TNRC6A: variants seen among roughly 807,000 people sequenced by gnomAD.
TNRC6A encodes the protein trinucleotide repeat containing adaptor 6A.
TNRC6A carries 44 observed loss-of-function variants against 221.2 expected under a neutral mutation model. That is an observed-to-expected ratio of 0.20 (90% CI 0.16 to 0.26). The LOEUF is 0.26. Among genes scored for constraint, TNRC6A ranks in the 10% least tolerant of loss-of-function variants. TNRC6A has a pLI of 1.00. For missense variants in TNRC6A, 2,199 were observed against 2,404.4 expected (o/e 0.91, Z 1.79); for synonymous variants, 847 against 838.5 (o/e 1.01, Z -0.18).
At position 24,806,728 on chromosome 16, in the gene TNRC6A, C is replaced by T. The variant is rs373761954; in HGVS notation, c.4484C>T (p.Thr1495Ile). The T allele has an allele frequency of 9.9e-5, 160 of 1,614,086 alleles. No homozygotes were observed. Among genetic ancestry groups the T allele is most frequent in the Non-Finnish European group, 1.3e-4 (158 of 1,180,052 alleles). ...SFLDNVMPHT[T>I]PELQKGPSPI... ...CTTGACAATGTCATGCCCCACACTA[C>T]ACCTGAGCTGCAAAAAGGGCCATCA... is the stretch of plus-strand genomic sequence containing the variant. Residue 1495 changes from threonine to isoleucine, a missense_variant, in exon 17 of 25, where the codon ACA (threonine) becomes ATA (isoleucine). Coordinates refer to ENST00000395799, the MANE Select transcript of TNRC6A (RefSeq NM_014494.4).
Position 24,791,799 on chromosome 16 carries a change from G to A in TNRC6A, c.3157G>A (p.Glu1053Lys). 6.4e-7 allele frequency: 1 copy of A among 1,552,922 alleles called. No individual in the cohort carries two copies. The highest frequency in any genetic ancestry group is 8.7e-7 in the Non-Finnish European group (1 of 1,154,136). ...LTPASAISNK[E>K]ASSGSGWGEP... ...GCCTGCAAGTGCCATCTCAAACAAA[G>A]AGGCAAGCAGTGGCTCTGGTAAGTT... Residue 1053 changes from glutamate (E) to lysine (K), a missense_variant, in exon 6 of 25, where the codon GAG (glutamate) becomes AAG (lysine). Glu to Lys is a moderately conservative substitution (Grantham distance 56, BLOSUM62 1). Around this residue, in one of 8 missense-constraint regions of TNRC6A, gnomAD observed 1,405 missense variants for 1,400.2 expected, o/e 1.00. Coordinates refer to ENST00000395799, the MANE Select transcript of TNRC6A (RefSeq NM_014494.4).
At chr16:24,691,497 G>A (rs1219858494) in intron 2 of TNRC6A, among the ~76,000 whole-genome samples, 1 of 152,108 alleles carries the variant, frequency 6.6e-6, no homozygotes, top group Non-Finnish European at 1.5e-5. Flanking sequence ...GGCCAGACGC[G>A]GTGGCTCACA....
chr16:24,668,885 C>G (rs2055230129), intron 2 of TNRC6A, among the ~76,000 whole-genome samples: 1 of 152,184 alleles, frequency 6.6e-6, no homozygotes, highest in Non-Finnish European at 1.5e-5. Context: ...GCCAACCTCC[C>G]TTTGAACAGA....
At chr16:24,784,035 C>T (rs765316335) in intron 5 of TNRC6A, among the ~76,000 whole-genome samples, 7 of 152,138 alleles carry the variant, frequency 4.6e-5, no homozygotes, top group Admixed American at 6.5e-5. Context: ...TTCGCTCTTA[C>T]ATAATGCCCA....
chr16:24,627,998 T>C (rs1267253666), intron 1 of TNRC6A, among the ~76,000 whole-genome samples: 1 of 151,538 alleles, frequency 6.6e-6, no homozygotes, highest in Non-Finnish European at 1.5e-5. Flanking sequence ...CACTTGGCCA[T>C]CTTTCTTGTT....
In TNRC6A at chr16:24,804,207, A is replaced by G; in HGVS notation, c.3725A>G (p.Asp1242Gly). The G allele has an allele frequency of 6.2e-7, 1 of 1,612,078 alleles. No homozygotes were observed. The highest frequency in any genetic ancestry group is 8.5e-7 in the Non-Finnish European group (1 of 1,179,612). Residue 1242 changes from aspartate to glycine, a missense_variant, in exon 12 of 25, where the codon GAT becomes GGT. Transcript: ENST00000395799. Reference sequence around the variant, plus strand: ...TTACAAGACAAACGAATGGAGATAGATAAACATAGCCTAAATATTGGTGAT... The same window carrying G: ...TTACAAGACAAACGAATGGAGATAGGTAAACATAGCCTAAATATTGGTGAT... The part of the protein sequence containing the change: ...GMLQDKRMEI[D>G]KHSLNIGDYN...
intron 5 of TNRC6A, among the ~76,000 whole-genome samples, chr16:24,788,555 C>T (rs1185992779): frequency 6.6e-6 from 1 of 152,172 alleles, no homozygotes; most frequent in Non-Finnish European, 1.5e-5. Context: ...ATTCACTTCT[C>T]CTTACCTGTC....
chr16:24,790,889 G>A lies in TNRC6A; in HGVS notation c.2247G>A (p.Gly749=). Residue 749 remains glycine, a synonymous_variant, in exon 6 of 25, where the codon GGG becomes GGA. Transcript: ENST00000395799. ...SPRGERKTDN[G]TEAWGSSATQ... is the part of the protein sequence containing the mutation. ...GAGGGGAACGAAAGACTGACAATGG[G>A]ACAGAGGCCTGGGGAAGCTCTGCAA... The A allele has an allele frequency of 6.2e-7, 1 of 1,614,126 alleles. No homozygotes were observed. Among genetic ancestry groups the A allele is most frequent in the Non-Finnish European group, 8.5e-7 (1 of 1,180,034 alleles).
At chr16:24,669,972 CAG>C in intron 2 of TNRC6A, among the ~76,000 whole-genome samples, 1 of 10,160 alleles carries the variant, frequency 9.8e-5, no homozygotes, top group East Asian at 2.0e-3. Flanking sequence ...TTTTTTTAGA[CAG>C]AGTCTCACTC....
chr16:24,639,267 G>T (rs962330277), intron 1 of TNRC6A, among the ~76,000 whole-genome samples: 1 of 152,130 alleles, frequency 6.6e-6, no homozygotes, highest in Non-Finnish European at 1.5e-5. Context: ...GGAGAATTAT[G>T]TGAAGCCAGG....
At chr16:24,793,162 C>G (rs2151895702) in intron 6 of TNRC6A, among the ~76,000 whole-genome samples, 1 of 152,254 alleles carries the variant, frequency 6.6e-6, no homozygotes, top group East Asian at 1.9e-4. Context: ...TTTAGAATGA[C>G]TTGACTTTTT....
At chr16:24,618,957 C>G (rs1306759125) in intron 1 of TNRC6A, among the ~76,000 whole-genome samples, 1 of 152,046 alleles carries the variant, frequency 6.6e-6, no homozygotes, top group Non-Finnish European at 1.5e-5. Flanking sequence ...CTGAATAGTA[C>G]AGTAGTTCAT....
intron 4 of TNRC6A, among the ~76,000 whole-genome samples, chr16:24,770,913 A>G (rs190739746): frequency 2.9e-3 from 441 of 152,326 alleles, no homozygotes; most frequent in African/African-American, 0.01. Flanking sequence ...ATGAGGTCAA[A>G]TCAATTTTCA....
intron 1 of TNRC6A, among the ~76,000 whole-genome samples, chr16:24,625,024 C>T (rs534559516): frequency 6.6e-6 from 1 of 152,242 alleles, no homozygotes; most frequent in East Asian, 1.9e-4. Flanking sequence ...ACTAATAAGG[C>T]CATAAAAGAC....
At chr16:24,751,659 T>C (rs183285913) in intron 3 of TNRC6A, among the ~76,000 whole-genome samples, 2 of 152,328 alleles carry the variant, frequency 1.3e-5, no homozygotes, top group African/African-American at 4.8e-5. Flanking sequence ...GTTTCAATTA[T>C]CTGTTGTAAT....
intron 5 of TNRC6A, among the ~76,000 whole-genome samples, chr16:24,784,477 C>T (rs1040390953): frequency 2.0e-5 from 3 of 152,186 alleles, no homozygotes; most frequent in African/African-American, 4.8e-5. Flanking sequence ...GTATATGCTA[C>T]TACACCCAGC....
At chr16:24,776,018 T>C (rs1394252143) in intron 4 of TNRC6A, among the ~76,000 whole-genome samples, 1 of 152,156 alleles carries the variant, frequency 6.6e-6, no homozygotes, top group African/African-American at 2.4e-5. Context: ...CTCTGCAAGG[T>C]GTAGGTACTA....
At chr16:24,746,268 T>C (rs1380826238) in intron 2 of TNRC6A, among the ~76,000 whole-genome samples, 1 of 152,154 alleles carries the variant, frequency 6.6e-6, no homozygotes, top group Non-Finnish European at 1.5e-5. Context: ...ATAAAAAAAA[T>C]CATGTTTCCT....
chr16:24,694,899 C>T (rs2055827865), intron 2 of TNRC6A, among the ~76,000 whole-genome samples: 1 of 152,176 alleles, frequency 6.6e-6, no homozygotes, highest in Non-Finnish European at 1.5e-5. Context: ...CACGACTGCA[C>T]TCCAGCCTGA....
Sources: gnomAD v4.1 joint callset for allele counts (sites outside exome capture counted in the v4.1 genomes callset) on GRCh38, gnomAD v4.1.1 for gene constraint, gnomAD v4.1.1 regional missense constraint, MANE v1.5 for transcripts, NCBI Gene and HGNC (gene_info 2026-07-23, HGNC 2026-07-21) for gene names.